Variants in DEAF1 observed in about 807,000 individuals in gnomAD.
DEAF1 encodes the protein deformed epidermal autoregulatory factor 1 homolog.
A neutral mutation model predicts 58.9 loss-of-function variants in DEAF1; 53 were observed. That is an observed-to-expected ratio of 0.90 (90% CI 0.72 to 1.13). The LOEUF (loss-of-function observed/expected upper bound fraction) is 1.13, where lower values mean the gene tolerates loss of function less well. DEAF1 is among the 50% of genes most tolerant of loss of function. The pLI is 0.00. For synonymous variants in DEAF1, 385 were observed against 340.4 expected (o/e 1.13, Z -1.44); for missense variants, 685 against 791.4 (o/e 0.87, Z 1.61).
chr11:645,765 CG>C (rs1858462947), intron 11 of DEAF1, among the ~76,000 whole-genome samples: 1 of 152,326 alleles, frequency 6.6e-6, no homozygotes, highest in Admixed American at 6.5e-5. Context: ...CCTGCTACGT[CG>C]AGCACCTCGG....
At chr11:681,470 G>A (rs1334417215) in intron 6 of DEAF1, among the ~76,000 whole-genome samples, 1 of 149,920 alleles carries the variant, frequency 6.7e-6, no homozygotes, top group Non-Finnish European at 1.5e-5. Context: ...GAGTGCAGTG[G>A]CACAATCTGG....
chr11:670,679 C>T (rs1359400628), intron 10 of DEAF1, among the ~76,000 whole-genome samples: 1 of 151,692 alleles, frequency 6.6e-6, no homozygotes, highest in South Asian at 2.1e-4. Context: ...CACACCACTG[C>T]ACTCTAGCCT....
intron 10 of DEAF1, among the ~76,000 whole-genome samples, chr11:660,726 C>T (rs1409020928): frequency 6.6e-6 from 1 of 152,228 alleles, no homozygotes; most frequent in Non-Finnish European, 1.5e-5. Context: ...ACTGAGCTGT[C>T]TTGGGTCTGG....
intron 2 of DEAF1, among the ~76,000 whole-genome samples, chr11:689,191 TTTTTC>T (rs1385448033): frequency 1.4e-5 from 2 of 143,074 alleles, no homozygotes; most frequent in Non-Finnish European, 3.0e-5. Flanking sequence ...ACTGTTTCTT[TTTTTC>T]TTTTTCTTTT....
At chr11:659,883 G>A (rs377709360) in intron 10 of DEAF1, among the ~76,000 whole-genome samples, 38 of 152,346 alleles carry the variant, frequency 2.5e-4, no homozygotes, top group African/African-American at 8.2e-4. Context: ...CCCTGAAGCC[G>A]TGAACCGGAA....
intron 1 of DEAF1, chr11:704,291 C>G (rs182028321): frequency 2.0e-4 from 134 of 678,764 alleles, no homozygotes; most frequent in Non-Finnish European, 2.8e-4. Flanking sequence ...CAGGAGGCTG[C>G]GGGACTGTCC....
chr11:680,020 G>A, intron 7 of DEAF1: 1 of 653,554 alleles, frequency 1.5e-6, no homozygotes, highest in Non-Finnish European at 2.6e-6. Flanking sequence ...TGGCCAGGAT[G>A]GCAACTTGCC....
At position 653,968 on chromosome 11, in the gene DEAF1, T is replaced by C. The variant is rs10615; in HGVS notation, c.1587A>G (p.Gln529=). The C allele has an allele frequency of 0.14, 227,938 of 1,613,254 alleles. 23,850 individuals carry two copies. The highest frequency in any genetic ancestry group is 0.56 in the African/African-American group (41,576 of 74,774). ...TGGTGTAGGTGAGACCTACCTTGCG[T>C]TGGCAGAAGGTGGAGCAGTAGTTGA... ...HKVNYCSTFC[Q]RKDWKDHQHI... The change falls in exon 11 of 12, where the codon CAA becomes CAG. Residue 529 remains glutamine, a synonymous_variant. Coordinates refer to ENST00000382409, the MANE Select transcript of DEAF1 (RefSeq NM_021008.4).
Position 672,867 on chromosome 11 carries a change from A to T in DEAF1, c.1503+1669T>A, listed in dbSNP as rs1255596996. Among the ~76,000 whole-genome samples the T allele has an allele frequency of 5.9e-5, 9 of 152,114 alleles. No homozygotes were observed. The East Asian group carries it at 7.7e-4, about 13-fold the overall frequency. On this transcript the variant is annotated intron_variant, in intron 10 of 11. Coordinates refer to ENST00000382409, the MANE Select transcript of DEAF1 (RefSeq NM_021008.4). ...CGTCTCAAAAAAAAAAATTTTTTTT[A>T]AATAGATAAATAAATAAATACGTAT...
At chr11:666,873 C>CAAAAAAAAAAAA (rs532628897) in intron 10 of DEAF1, among the ~76,000 whole-genome samples, 7 of 60,234 alleles carry the variant, frequency 1.2e-4, no homozygotes, top group Non-Finnish European at 1.8e-4. Context: ...ACTCTGTCTC[C>CAAAAAAAAAAAA]AAAAAAAAAA....
chr11:656,630 C>T (rs998847004), intron 10 of DEAF1, among the ~76,000 whole-genome samples: 10 of 152,212 alleles, frequency 6.6e-5, no homozygotes, highest in Admixed American at 5.9e-4. Context: ...CTGGCGGGAG[C>T]GTGGTCACTG....
chr11:700,731 A>G (rs1426656190), intron 1 of DEAF1: 2 of 1,585,904 alleles, frequency 1.3e-6, no homozygotes, highest in Non-Finnish European at 1.7e-6. Flanking sequence ...TAACACCGTG[A>G]AGAACCTGTC....
rs1243843143 is a variant in DEAF1, at chr11:686,975, C to T, written c.687G>A (p.Lys229=). The change falls in exon 5 of 12, where the codon AAG becomes AAA. Residue 229 remains lysine, a synonymous_variant. Coordinates refer to ENST00000382409, the MANE Select transcript of DEAF1 (RefSeq NM_021008.4). ...TGGGACTGTACCAGTTCTCCCCCTGCTTGATGCACCGTCCCCGGCCGCCTG... is the reference window on the plus strand; with the variant it reads ...TGGGACTGTACCAGTTCTCCCCCTGTTTGATGCACCGTCCCCGGCCGCCTG... ...LGSGGRGRCI[K]QGENWYSPTE... The T allele has an allele frequency of 2.5e-6, 4 of 1,614,098 alleles. No individual in the cohort carries two copies. The African/African-American group carries it at 4.0e-5, about 16-fold the overall frequency.
intron 10 of DEAF1, among the ~76,000 whole-genome samples, chr11:655,551 G>A (rs958294880): frequency 2.0e-5 from 3 of 152,202 alleles, no homozygotes; most frequent in Non-Finnish European, 2.9e-5. Context: ...AGCTGCGGGA[G>A]GGGCCGTGGC....
chr11:704,229 C>T (rs1008259163), intron 1 of DEAF1: 7 of 881,654 alleles, frequency 7.9e-6, no homozygotes, highest in Middle Eastern at 5.0e-4. Flanking sequence ...TGGCTGGCCT[C>T]GCCCTCGGGC....
intron 1 of DEAF1, 149 bp from the exon 2 acceptor site, chr11:691,747 C>G: frequency 1.4e-6 from 1 of 711,240 alleles, no homozygotes; most frequent in South Asian, 1.5e-5. Flanking sequence ...TGAACACGCT[C>G]GACCTACATT....
At chr11:648,618 G>C (rs1241780445) in intron 11 of DEAF1, among the ~76,000 whole-genome samples, 1 of 152,186 alleles carries the variant, frequency 6.6e-6, no homozygotes, top group Non-Finnish European at 1.5e-5. Flanking sequence ...GGTGAAAGGA[G>C]CTCAGTAAGT....
At chr11:654,714 C>T (rs1858963643) in intron 10 of DEAF1, 3 of 435,612 alleles carry the variant, frequency 6.9e-6, no homozygotes, top group South Asian at 4.8e-5. Context: ...ACTAAAAATA[C>T]AAAAATTAGC....
At position 667,980 on chromosome 11, in the gene DEAF1, C is replaced by T. The variant is rs182176064; in HGVS notation, c.1503+6556G>A. ...TACAAAAATTAGCTGGGTGTGGTGG[C>T]GCACGCCGATAGTCCCAGCTACTCA... is the stretch of plus-strand genomic sequence containing the variant. On this transcript the variant is annotated intron_variant, in intron 10 of 11. Coordinates refer to ENST00000382409, the MANE Select transcript of DEAF1 (RefSeq NM_021008.4). Among the ~76,000 whole-genome samples the T allele has an allele frequency of 5.8e-3, 839 of 145,240 alleles. 6 individuals are homozygous for T. The highest frequency in any genetic ancestry group is 0.02 in the African/African-American group (795 of 39,090).
Sources: gnomAD v4.1 joint callset for allele counts (sites outside exome capture counted in the v4.1 genomes callset) on GRCh38, gnomAD v4.1.1 for gene constraint, MANE v1.5 for transcripts, NCBI Gene and HGNC (gene_info 2026-07-23, HGNC 2026-07-21) for gene names.